BRINP3: variants seen among roughly 807,000 people sequenced by gnomAD.
The protein encoded by BRINP3 is BMP/retinoic acid inducible neural specific 3.
A neutral mutation model predicts 71.0 loss-of-function variants in BRINP3; 19 were observed. That is an observed-to-expected ratio of 0.27 (90% CI 0.19 to 0.39). The LOEUF (loss-of-function observed/expected upper bound fraction) is 0.39, where lower values mean the gene tolerates loss of function less well. Among genes scored for constraint, BRINP3 ranks in the 10% least tolerant of loss-of-function variants. The pLI, the probability that BRINP3 is intolerant of heterozygous loss-of-function variation, is 1.00. For synonymous variants in BRINP3, 380 were observed against 337.7 expected (o/e 1.13, Z -1.37); for missense variants, 959 against 940.8 (o/e 1.02, Z -0.25).
chr1:190,439,295 A>G (rs548240348), intron 2 of BRINP3, among the ~76,000 whole-genome samples: 4 of 152,052 alleles, frequency 2.6e-5, no homozygotes, highest in African/African-American at 9.6e-5. Context: ...GAGTATTTCA[A>G]CTGAAACTGG....
At chr1:190,185,536 A>C (rs1394494385) in intron 6 of BRINP3, among the ~76,000 whole-genome samples, 3 of 152,162 alleles carry the variant, frequency 2.0e-5, no homozygotes, top group East Asian at 1.9e-4. Context: ...ATTATACATA[A>C]ATAGAAAATT....
chr1:190,255,867 G>C, intron 4 of BRINP3, among the ~76,000 whole-genome samples: 1 of 149,962 alleles, frequency 6.7e-6, no homozygotes, highest in South Asian at 2.1e-4. Context: ...TTTTAATTGT[G>C]GATTTTAGAT....
At chr1:190,417,117 G>T (rs1308355860) in intron 2 of BRINP3, among the ~76,000 whole-genome samples, 5 of 151,592 alleles carry the variant, frequency 3.3e-5, no homozygotes, top group African/African-American at 1.2e-4. Context: ...TTCAAATGGA[G>T]AACAAAAACA....
chr1:190,433,079 C>T (rs930835681), intron 2 of BRINP3, among the ~76,000 whole-genome samples: 3 of 152,134 alleles, frequency 2.0e-5, no homozygotes, highest in South Asian at 4.2e-4. Flanking sequence ...CTGAGTAGTT[C>T]GGAATATTGT....
At chr1:190,344,851 G>A (rs1295444279) in intron 2 of BRINP3, among the ~76,000 whole-genome samples, 1 of 151,724 alleles carries the variant, frequency 6.6e-6, no homozygotes, top group Non-Finnish European at 1.5e-5. Flanking sequence ...TAACCTATAT[G>A]CCATCAACGA....
intron 7 of BRINP3, among the ~76,000 whole-genome samples, chr1:190,144,344 C>T (rs1655705133): frequency 6.6e-6 from 1 of 152,068 alleles, no homozygotes; most frequent in African/African-American, 2.4e-5. Flanking sequence ...GGGAAAGTAT[C>T]TGACTCCAAG....
intron 3 of BRINP3, among the ~76,000 whole-genome samples, 162 bp from the exon 4 acceptor site, chr1:190,265,217 G>T (rs1661551217): frequency 6.6e-6 from 1 of 151,916 alleles, no homozygotes; most frequent in Non-Finnish European, 1.5e-5. Flanking sequence ...TATTTCTCAA[G>T]TACCTCAAAA....
At chr1:190,137,771 T>C (rs1655096469) in intron 7 of BRINP3, among the ~76,000 whole-genome samples, 1 of 152,082 alleles carries the variant, frequency 6.6e-6, no homozygotes, top group African/African-American at 2.4e-5. Flanking sequence ...ATTAGATAAG[T>C]AAGAAAGAGG....
intron 2 of BRINP3, among the ~76,000 whole-genome samples, chr1:190,386,161 C>G (rs926579535): frequency 6.8e-6 from 1 of 146,774 alleles, no homozygotes; most frequent in Non-Finnish European, 1.5e-5. Context: ...AGCGCACCAG[C>G]ATGGCACATG....
At chr1:190,148,740 T>G (rs1656132825) in intron 7 of BRINP3, among the ~76,000 whole-genome samples, 1 of 152,156 alleles carries the variant, frequency 6.6e-6, no homozygotes, top group Admixed American at 6.5e-5. Context: ...TCTACTGTAT[T>G]TTAGTTTTAA....
chr1:190,121,871 A>G (rs1283531566), intron 7 of BRINP3, among the ~76,000 whole-genome samples: 1 of 152,226 alleles, frequency 6.6e-6, no homozygotes, highest in Non-Finnish European at 1.5e-5. Context: ...ATGTAAATAA[A>G]TGCAAGAGGA....
At chr1:190,301,176 C>CATATATATGTATATATATACATATAT (rs1558160309) in intron 2 of BRINP3, among the ~76,000 whole-genome samples, 7 of 102,458 alleles carry the variant, frequency 6.8e-5, no homozygotes, top group Non-Finnish European at 9.3e-5. Context: ...CATATATATA[C>CATATATATGTATATATATACATATAT]ATATATATAT....
chr1:190,168,854 T>G (rs1231334359), intron 6 of BRINP3, among the ~76,000 whole-genome samples: 1 of 152,214 alleles, frequency 6.6e-6, no homozygotes, highest in Non-Finnish European at 1.5e-5. Flanking sequence ...GCATGATTCT[T>G]GGCACTGGGG....
At position 190,294,895 on chromosome 1, in the gene BRINP3, C is replaced by T. The variant is rs145575488; in HGVS notation, c.237-13145G>A. On this transcript the variant is annotated intron_variant, in intron 2 of 7. Transcript: ENST00000367462. ...AACTGCTAGCTCACCAACCCTCCAA[C>T]CTGAACATGGAAAAGACATGGGACA... Among the ~76,000 whole-genome samples the T allele has an allele frequency of 6.5e-3, 989 of 151,910 alleles. 6 individuals carry two copies. Among genetic ancestry groups the T allele is most frequent in the African/African-American group, 0.021 (878 of 41,430 alleles).
intron 6 of BRINP3, among the ~76,000 whole-genome samples, chr1:190,206,261 T>C (rs1208703370): frequency 1.3e-5 from 2 of 151,960 alleles, no homozygotes; most frequent in East Asian, 3.9e-4. Context: ...ATGGAACTCT[T>C]GAGATTCCAA....
rs1463145841 is a variant in BRINP3, at chr1:190,098,855, A to G, written c.1464T>C (p.Phe488=). 1 of 1,614,186 alleles carries G rather than the reference A, an allele frequency of 6.2e-7. No homozygotes were observed. Among genetic ancestry groups the G allele is most frequent in the Admixed American group, 1.7e-5 (1 of 60,024 alleles). ...TCTCGAGATCTTGCAGGTCAGTTTC[A>G]AAGCCAATATAGTGATCGGTGGACT... ...VAESTDHYIG[F]ETDLQDLEMK... The change falls in exon 8 of 8, where the codon TTT becomes TTC. Residue 488 remains phenylalanine, a synonymous_variant. Coordinates refer to ENST00000367462, the MANE Select transcript of BRINP3 (RefSeq NM_199051.3).
chr1:190,284,073 C>T (rs549333666), intron 2 of BRINP3, among the ~76,000 whole-genome samples: 9 of 151,984 alleles, frequency 5.9e-5, no homozygotes, highest in Non-Finnish European at 4.4e-5. Flanking sequence ...TTCTAAAATG[C>T]TGAAAGATTT....
chr1:190,470,193 A>T (rs905155703), intron 1 of BRINP3, among the ~76,000 whole-genome samples: 5 of 150,944 alleles, frequency 3.3e-5, no homozygotes, highest in African/African-American at 1.2e-4. Flanking sequence ...AAAGTTAATA[A>T]AAAAAAGCTT....
intron 4 of BRINP3, among the ~76,000 whole-genome samples, chr1:190,256,877 C>T (rs988416887): frequency 6.6e-6 from 1 of 152,112 alleles, no homozygotes; most frequent in Non-Finnish European, 1.5e-5. Flanking sequence ...GACGTGCTAC[C>T]CTTTGTGGGT....
Sources: allele counts gnomAD v4.1 joint callset (sites outside exome capture counted in the v4.1 genomes callset), GRCh38; gene constraint gnomAD v4.1.1; transcripts MANE v1.5; gene names NCBI Gene and HGNC (gene_info 2026-07-23, HGNC 2026-07-21).